The following THEMIS variants were observed in gnomAD, a reference collection of about 807,000 sequenced individuals.
THEMIS encodes thymocyte selection associated.
Under a neutral mutation model 52.6 loss-of-function variants are expected in THEMIS, and 37 were observed. The ratio of observed to expected loss-of-function variants is 0.70; its 90% confidence interval spans 0.54 to 0.93. The LOEUF is 0.93. Among genes scored for constraint, THEMIS ranks in the 40% least tolerant of loss-of-function variants. The probability of loss-of-function intolerance (pLI) is 0.00; values close to 1 mark genes in which losing one functional copy is unlikely to be tolerated. For synonymous variants in THEMIS, 292 were observed against 272.7 expected (o/e 1.07, Z -0.70); for missense variants, 808 against 763.1 (o/e 1.06, Z -0.69).
chr6:127,719,112 C>A (rs1163948434), intron 5 of THEMIS, among the ~76,000 whole-genome samples: 1 of 151,796 alleles, frequency 6.6e-6, no homozygotes, highest in Non-Finnish European at 1.5e-5. Flanking sequence ...TGGCAAGAAA[C>A]AAACTTCTTA....
intron 1 of THEMIS, 50 bp from the exon 2 acceptor site, chr6:127,855,238 A>G (rs270032): frequency 0.63 from 919,811 of 1,457,616 alleles, 291,790 homozygotes; most frequent in East Asian, 0.81. Context: ...AAACAGTGAA[A>G]AACAAAGTAG....
intron 4 of THEMIS, among the ~76,000 whole-genome samples, chr6:127,721,505 G>T (rs1774361342): frequency 6.6e-6 from 1 of 151,974 alleles, no homozygotes; most frequent in Non-Finnish European, 1.5e-5. Flanking sequence ...TAAGTCATTT[G>T]TAGATATTTC....
chr6:127,832,294 G>T (rs1241986857), intron 2 of THEMIS, among the ~76,000 whole-genome samples: 1 of 152,156 alleles, frequency 6.6e-6, no homozygotes, highest in African/African-American at 2.4e-5. Flanking sequence ...CAAGAAAAAT[G>T]TGTCTGTGAA....
At chr6:127,793,034 C>G (rs1357704716) in intron 4 of THEMIS, among the ~76,000 whole-genome samples, 2 of 152,158 alleles carry the variant, frequency 1.3e-5, no homozygotes, top group African/African-American at 4.8e-5. Flanking sequence ...TCTCATTTCT[C>G]AACGGCAAAT....
At chr6:127,869,764 C>T (rs1383911962) in intron 1 of THEMIS, among the ~76,000 whole-genome samples, 1 of 152,180 alleles carries the variant, frequency 6.6e-6, no homozygotes. Flanking sequence ...AAAGCCTGTT[C>T]TCTTTAGCCA....
chr6:127,706,265 C>T (rs764542755), downstream of THEMIS, among the ~76,000 whole-genome samples: 1 of 152,006 alleles, frequency 6.6e-6, no homozygotes, highest in Non-Finnish European at 1.5e-5. Flanking sequence ...TACTTTTTCT[C>T]AGACAAAGCT....
chr6:127,912,971 A>T (rs1781444487), intron 1 of THEMIS, among the ~76,000 whole-genome samples: 2 of 152,190 alleles, frequency 1.3e-5, no homozygotes, highest in Admixed American at 6.5e-5. Context: ...AGCAAAGTGG[A>T]TGACTTGCTC....
upstream of THEMIS, among the ~76,000 whole-genome samples, chr6:127,904,690 T>C (rs2114514982): frequency 6.6e-6 from 1 of 152,078 alleles, no homozygotes; most frequent in East Asian, 1.9e-4. Flanking sequence ...AGAAACAAAC[T>C]CATGGGGTAA....
chr6:127,714,111 T>G, intron 5 of THEMIS, among the ~76,000 whole-genome samples: 1 of 151,844 alleles, frequency 6.6e-6, no homozygotes, highest in Non-Finnish European at 1.5e-5. Context: ...TGAGAAGAAA[T>G]GAAAGGTTGT....
downstream of THEMIS, among the ~76,000 whole-genome samples, chr6:127,707,299 C>T (rs958862539): frequency 2.5e-4 from 38 of 151,980 alleles, no homozygotes; most frequent in African/African-American, 7.0e-4. Flanking sequence ...TTGAGCAAAA[C>T]GAATAGGAAG....
intron 4 of THEMIS, among the ~76,000 whole-genome samples, chr6:127,743,234 A>G (rs908342076): frequency 2.6e-5 from 4 of 152,142 alleles, no homozygotes; most frequent in Non-Finnish European, 5.9e-5. Flanking sequence ...ATGGTTTTGC[A>G]TTAGAGCCCC....
In THEMIS at chr6:127,813,118, C is replaced by A. The variant is rs763756804; in HGVS notation, c.1523G>T (p.Arg508Leu). Residue 508 changes from arginine (R) to leucine (L), a missense_variant, in exon 4 of 6, where the codon CGC (arginine) becomes CTC (leucine). Physicochemically the swap from Arg to Leu is moderately radical, Grantham distance 102 (BLOSUM62 -2). Transcript: ENST00000368248. Reference protein sequence around the residue: ...PTECWEIPVGRLNMTVQLVSN... With the variant: ...PTECWEIPVGLLNMTVQLVSN... ...AACTAACTGAACAGTCATATTCAAG[C>A]GGCCCACAGGAATTTCCCAGCACTC... 3 of 1,614,026 alleles carry A rather than the reference C, an allele frequency of 1.9e-6. No individual in the cohort carries two copies. The highest frequency in any genetic ancestry group is 2.5e-6 in the Non-Finnish European group (3 of 1,179,998).
At chr6:127,901,225 A>T, upstream of THEMIS, 1 of 454,388 alleles carries the variant, frequency 2.2e-6, no homozygotes, top group Non-Finnish European at 4.0e-6. Flanking sequence ...ACTGCCCAAA[A>T]AATGAGACGT....
intron 1 of THEMIS, among the ~76,000 whole-genome samples, chr6:127,912,367 C>T (rs1040736735): frequency 1.5e-4 from 23 of 152,088 alleles, no homozygotes; most frequent in African/African-American, 5.1e-4. Context: ...GCCGAAACTG[C>T]TATTGCAAAA....
At chr6:127,752,856 A>G (rs1409341209) in intron 4 of THEMIS, among the ~76,000 whole-genome samples, 1 of 151,924 alleles carries the variant, frequency 6.6e-6, no homozygotes, top group African/African-American at 2.4e-5. Context: ...TACCAAAGTC[A>G]GACAAGAACC....
At chr6:127,754,529 A>C (rs779866890) in intron 4 of THEMIS, among the ~76,000 whole-genome samples, 1 of 152,136 alleles carries the variant, frequency 6.6e-6, no homozygotes, top group Non-Finnish European at 1.5e-5. Flanking sequence ...AACTCAGCAA[A>C]ATGCTTCTTT....
intron 1 of THEMIS, among the ~76,000 whole-genome samples, chr6:127,893,213 A>G (rs1040190005): frequency 6.6e-6 from 1 of 151,968 alleles, no homozygotes. Flanking sequence ...ATTTTTCTTC[A>G]TATTCAATTT....
At chr6:127,800,379 T>C (rs1777492252) in intron 4 of THEMIS, among the ~76,000 whole-genome samples, 1 of 152,228 alleles carries the variant, frequency 6.6e-6, no homozygotes, top group Non-Finnish European at 1.5e-5. Context: ...AAGGACATTA[T>C]TTATCACATA....
intron 4 of THEMIS, among the ~76,000 whole-genome samples, chr6:127,754,622 G>C (rs1350489867): frequency 1.3e-5 from 2 of 152,150 alleles, no homozygotes; most frequent in East Asian, 1.9e-4. Flanking sequence ...GGGCAAACTT[G>C]GATCATGTGC....
Sources: allele counts gnomAD v4.1 joint callset (sites outside exome capture counted in the v4.1 genomes callset), GRCh38; gene constraint gnomAD v4.1.1; transcripts MANE v1.5; gene names NCBI Gene and HGNC (gene_info 2026-07-23, HGNC 2026-07-21).